GRM1: variants seen among roughly 807,000 people sequenced by gnomAD.
The protein encoded by GRM1 is metabotropic glutamate receptor 1.
Under a neutral mutation model 90.9 loss-of-function variants are expected in GRM1, and 33 were observed. That is an observed-to-expected ratio of 0.36 (90% confidence interval 0.28 to 0.49). The LOEUF (loss-of-function observed/expected upper bound fraction) is 0.49. GRM1 is among the 20% of genes least tolerant of loss of function. GRM1 has a pLI of 0.99. For missense variants in GRM1, 1,190 were observed against 1,534.3 expected (o/e 0.78, Z 3.75); for synonymous variants, 700 against 613.2 (o/e 1.14, Z -2.09).
At position 146,243,955 on chromosome 6, in the gene GRM1, C is replaced by T. The variant is rs113714524; in HGVS notation, c.951-60656C>T. Among the ~76,000 whole-genome samples the T allele has an allele frequency of 2.5e-3, 373 of 152,230 alleles. 2 individuals are homozygous for T. Among genetic ancestry groups the T allele is most frequent in the African/African-American group, 8.2e-3 (341 of 41,552 alleles). On this transcript the variant is annotated intron_variant, in intron 2 of 7. Transcript: ENST00000282753. ...TTCTTTGCTGAGAAAAAGAATTCAG[C>T]GATATTTCTCCTATTTGCTTTTGAA... is the stretch of plus-strand genomic sequence containing the variant.
chr6:146,310,789 A>T lies in GRM1; in HGVS notation c.1186+5943A>T, dbSNP rs1783745157. ...GAAACAGGATGACCTCTCAGTTGAGAATGTCCTAGATCAGCCAGTCCCTGG... is the reference window on the plus strand; with the variant it reads ...GAAACAGGATGACCTCTCAGTTGAGTATGTCCTAGATCAGCCAGTCCCTGG... On this transcript the variant is annotated intron_variant, in intron 3 of 7. Coordinates refer to ENST00000282753, the MANE Select transcript of GRM1 (RefSeq NM_001278064.2). 2.0e-5 allele frequency among the ~76,000 whole-genome samples: 3 copies of T among 152,200 alleles called. No homozygotes were observed. In the South Asian group the frequency reaches 6.2e-4, roughly 32 times the overall value.
chr6:146,362,523 C>A (rs1179315132), intron 5 of GRM1, among the ~76,000 whole-genome samples: 1 of 151,466 alleles, frequency 6.6e-6, no homozygotes, highest in Non-Finnish European at 1.5e-5. Context: ...ACTAAAAATA[C>A]AAAAAGTTAG....
chr6:146,419,404 T>C (rs1777908249), intron 7 of GRM1, among the ~76,000 whole-genome samples: 1 of 152,126 alleles, frequency 6.6e-6, no homozygotes, highest in Non-Finnish European at 1.5e-5. Flanking sequence ...ATGATGAAGA[T>C]TAATGAGACT....
intron 1 of GRM1, among the ~76,000 whole-genome samples, chr6:146,130,919 G>C (rs890797980): frequency 6.6e-6 from 1 of 152,018 alleles, no homozygotes; most frequent in Non-Finnish European, 1.5e-5. Flanking sequence ...TCTTAGTGTA[G>C]AATTAGCACC....
At chr6:146,320,711 C>A (rs1054531081) in intron 3 of GRM1, among the ~76,000 whole-genome samples, 2 of 151,894 alleles carry the variant, frequency 1.3e-5, no homozygotes, top group African/African-American at 2.4e-5. Context: ...GTGTATGTGT[C>A]CAGGAATTTG....
chr6:146,274,496 A>G (rs1782284641), intron 2 of GRM1, among the ~76,000 whole-genome samples: 1 of 152,164 alleles, frequency 6.6e-6, no homozygotes, highest in Non-Finnish European at 1.5e-5. Flanking sequence ...TCTGAGTAGG[A>G]CAAACTCTTG....
chr6:146,225,702 C>T (rs1780216903), intron 2 of GRM1, among the ~76,000 whole-genome samples: 1 of 151,814 alleles, frequency 6.6e-6, no homozygotes, highest in African/African-American at 2.4e-5. Flanking sequence ...TTAAGTTCTG[C>T]CTAATTATGA....
rs1790636392 is a variant in GRM1 at position 146,029,557 on chromosome 6, T to C, written c.40T>C (p.Leu14=). Residue 14 remains leucine, a synonymous_variant, in exon 1 of 8, where the codon TTG becomes CTG. Coordinates refer to ENST00000282753, the MANE Select transcript of GRM1 (RefSeq NM_001278064.2). The part of the protein sequence containing the change: ...LLLFFFPAIF[L]EVSLLPRSPG... ...TTTGTTTTTTTTCCCAGCGATCTTT[T>C]TGGAGGTGTCCCTTCTCCCCAGAAG... The C allele has an allele frequency of 6.2e-7, 1 of 1,614,066 alleles. No homozygotes were observed. The highest frequency in any genetic ancestry group is 8.5e-7 in the Non-Finnish European group (1 of 1,179,980).
intron 2 of GRM1, among the ~76,000 whole-genome samples, chr6:146,261,953 G>T (rs1781709310): frequency 6.6e-6 from 1 of 151,916 alleles, no homozygotes; most frequent in Admixed American, 6.6e-5. Context: ...GTTTTAGAAA[G>T]TTACAAAGGA....
At chr6:146,147,271 G>T (rs117709439) in intron 1 of GRM1, among the ~76,000 whole-genome samples, 2,714 of 152,328 alleles carry the variant, frequency 0.018, 40 homozygotes, top group Middle Eastern at 0.097. Flanking sequence ...AAATAATTAA[G>T]AGCCATAGGC....
At chr6:146,313,553 T>C (rs1783847320) in intron 3 of GRM1, among the ~76,000 whole-genome samples, 1 of 152,234 alleles carries the variant, frequency 6.6e-6, no homozygotes, top group South Asian at 2.1e-4. Context: ...TTTCACGCCT[T>C]GTATACATTT....
At position 146,357,614 on chromosome 6, in the gene GRM1, G is replaced by C; in HGVS notation, c.1522G>C (p.Asp508His). 2 of 1,613,928 alleles carry C rather than the reference G, an allele frequency of 1.2e-6. No individual in the cohort carries two copies. Among genetic ancestry groups the C allele is most frequent in the East Asian group, 4.5e-5 (2 of 44,882 alleles). The stretch of plus-strand genomic sequence containing the variant: ...CTGGCATGAAGGAGTGCTGAACATT[G>C]ATGATTACAAAATCCAGATGAACAA... ...GTWHEGVLNI[D>H]DYKIQMNKSG... Residue 508 changes from aspartate (D) to histidine (H), a missense_variant, in exon 5 of 8, where the codon GAT becomes CAT. Physicochemically the swap from Asp to His is moderately conservative, Grantham distance 81 (BLOSUM62 -1). This residue lies in a region of GRM1 where 414 missense variants were observed against 598.4 expected (regional missense o/e 0.69). Coordinates refer to ENST00000282753, the MANE Select transcript of GRM1 (RefSeq NM_001278064.2).
At position 146,357,760 on chromosome 6, in the gene GRM1, A is replaced by G. The variant is rs183890088; in HGVS notation, c.1602+66A>G. ...GTTGGCTGCCTGGACATTAGTAAAGAACAACACAGACAATTTTAAAAACAT... is the reference window on the plus strand; with the variant it reads ...GTTGGCTGCCTGGACATTAGTAAAGGACAACACAGACAATTTTAAAAACAT... On this transcript the variant is annotated intron_variant, in intron 5 of 7. Coordinates refer to ENST00000282753, the MANE Select transcript of GRM1 (RefSeq NM_001278064.2). The G allele has an allele frequency of 3.3e-6, 4 of 1,210,558 alleles. No homozygotes were observed. The South Asian group carries it at 4.9e-5, about 15-fold the overall frequency. 75.0% of individuals were successfully genotyped at this position (1,210,558 alleles called of 1,614,324 possible).
intron 1 of GRM1, 124 bp from the exon 2 acceptor site, chr6:146,159,224 A>G (rs1777624200): frequency 2.7e-6 from 3 of 1,105,204 alleles, no homozygotes; most frequent in African/African-American, 3.1e-5. Context: ...AGTCTCAGCC[A>G]TATTTACAAA....
intron 1 of GRM1, among the ~76,000 whole-genome samples, chr6:146,038,695 C>T (rs1043615505): frequency 1.3e-5 from 2 of 151,794 alleles, no homozygotes; most frequent in East Asian, 1.9e-4. Context: ...GCCCTCAATG[C>T]AAATCTTTTG....
intron 1 of GRM1, among the ~76,000 whole-genome samples, chr6:146,044,563 A>G (rs1791251198): frequency 6.6e-6 from 1 of 151,998 alleles, no homozygotes; most frequent in South Asian, 2.1e-4. Context: ...TAAACCTGTT[A>G]ATAAGGTGGT....
At chr6:146,117,274 A>C (rs995013781) in intron 1 of GRM1, among the ~76,000 whole-genome samples, 6 of 151,818 alleles carry the variant, frequency 4.0e-5, no homozygotes, top group African/African-American at 1.4e-4. Flanking sequence ...AGGAATATAA[A>C]ATATTTATCT....
At chr6:146,117,783 C>G (rs186050496) in intron 1 of GRM1, among the ~76,000 whole-genome samples, 1 of 152,052 alleles carries the variant, frequency 6.6e-6, no homozygotes, top group Non-Finnish European at 1.5e-5. Context: ...TACAATAGAG[C>G]TTTAACATAT....
chr6:146,345,821 C>A (rs1466363331), intron 3 of GRM1, among the ~76,000 whole-genome samples: 1 of 152,182 alleles, frequency 6.6e-6, no homozygotes, highest in Non-Finnish European at 1.5e-5. Flanking sequence ...TGGATTCTTA[C>A]AACAGTCTAA....
Sources: allele counts gnomAD v4.1 joint callset (sites outside exome capture counted in the v4.1 genomes callset), GRCh38; gene constraint gnomAD v4.1.1; regional missense constraint gnomAD v4.1.1; transcripts MANE v1.5; gene names NCBI Gene and HGNC (gene_info 2026-07-23, HGNC 2026-07-21).